POFUT1: variants seen among roughly 807,000 people sequenced by gnomAD.
POFUT1 encodes the protein GDP-fucose protein O-fucosyltransferase 1.
POFUT1 carries 16 observed loss-of-function variants against 42.4 expected under a neutral mutation model. The ratio of observed to expected loss-of-function variants is 0.38; its 90% confidence interval spans 0.26 to 0.57. POFUT1 has a LOEUF of 0.57. POFUT1 is among the 20% of genes least tolerant of loss of function. The probability of loss-of-function intolerance (pLI) is 0.71; values close to 1 mark genes in which losing one functional copy is unlikely to be tolerated. For missense variants in POFUT1, 470 were observed against 504.6 expected, an observed-to-expected ratio of 0.93 and a Z score of 0.66; for synonymous variants, 206 against 205.4, an observed-to-expected ratio of 1.00 and a Z score of -0.03.
intron 4 of POFUT1, chr20:32,217,525 T>C: frequency 1.0e-6 from 1 of 986,506 alleles, no homozygotes; most frequent in Non-Finnish European, 1.2e-6. Context: ...GGTGGGTGGA[T>C]CACTTGAGCC....
intron 2 of POFUT1, among the ~76,000 whole-genome samples, chr20:32,211,377 G>T (rs545568759): frequency 2.0e-5 from 3 of 151,702 alleles, no homozygotes; most frequent in Non-Finnish European, 4.4e-5. Flanking sequence ...GGGTTCAAGC[G>T]ATTCTCCTGC....
At chr20:32,227,913 C>T (rs1569159875) in intron 4 of POFUT1, among the ~76,000 whole-genome samples, 1 of 152,186 alleles carries the variant, frequency 6.6e-6, no homozygotes, top group Non-Finnish European at 1.5e-5. Context: ...AGGGCAAAGG[C>T]TTGGTCCAGA....
At chr20:32,222,959 G>A (rs2047398024) in intron 4 of POFUT1, 2 of 984,354 alleles carry the variant, frequency 2.0e-6, no homozygotes, top group African/African-American at 1.7e-5. Flanking sequence ...GGAGGGAAAG[G>A]CAGTCCTTCA....
At position 32,235,533 on chromosome 20, in the gene POFUT1, A is replaced by G. The variant is rs1350722107; in HGVS notation, c.*872A>G. 6.6e-6 allele frequency: 1 copy of G among 152,284 alleles called. No individual in the cohort carries two copies. The highest frequency in any genetic ancestry group is 2.4e-5 in the African/African-American group (1 of 41,458). 9.4% of individuals were successfully genotyped at this position (152,284 alleles called of 1,614,324 possible). A position where few individuals can be genotyped will look rare whatever the true frequency, so the allele number is the denominator to read the frequency against. On this transcript the variant is annotated 3_prime_UTR_variant, in exon 7 of 7. Transcript: ENST00000375749. ...GTTGATATCCAAAGCCTGTTCTCCC[A>G]GCCGTCCTCCTGCAGCTGGAGCCTT...
At chr20:32,210,282 T>G (rs543938463) in intron 2 of POFUT1, 90 bp downstream of exon 2, 1 of 1,327,950 alleles carries the variant, frequency 7.5e-7, no homozygotes, top group East Asian at 2.3e-5. Context: ...GGGCTTTACC[T>G]CCCACTCCTC....
chr20:32,231,448 A>C, intron 6 of POFUT1: 1 of 274,660 alleles, frequency 3.6e-6, no homozygotes. Flanking sequence ...TGGTGCTTCG[A>C]CCTCTTTGGG....
chr20:32,215,320 C>T lies in POFUT1; in HGVS notation c.298C>T (p.His100Tyr), dbSNP rs2047353631. 1.2e-6 allele frequency: 2 copies of T among 1,614,108 alleles called. No individual in the cohort carries two copies. Among genetic ancestry groups the T allele is most frequent in the Non-Finnish European group, 1.7e-6 (2 of 1,179,976 alleles). ...CAAGCTGGAGCCCCTCCAGGCTTAC[C>T]ATCGGGTCATCAGCTTGGAGGATTT... ...YFKLEPLQAY[H>Y]RVISLEDFME... The change falls in exon 3 of 7, where the codon CAT becomes TAT. Residue 100 changes from histidine (H) to tyrosine (Y), a missense_variant. His to Tyr is a moderately conservative substitution (Grantham distance 83, BLOSUM62 2). Transcript: ENST00000375749.
rs1018324189 is a variant in POFUT1, at chr20:32,237,140, A to G, written c.*2479A>G. The G allele has an allele frequency of 6.6e-6, 1 of 152,286 alleles. No homozygotes were observed. The highest frequency in any genetic ancestry group is 2.4e-5 in the African/African-American group (1 of 41,460). 9.4% of individuals were successfully genotyped at this position (152,286 alleles called of 1,614,324 possible). A position where few individuals can be genotyped will look rare whatever the true frequency, so the allele number is the denominator to read the frequency against. Reference sequence around the variant, plus strand: ...AGGTTACCCAAGAAACAAAGCCTACATGCCGCTTACAGCCCCCGTTGGATG... The same window carrying G: ...AGGTTACCCAAGAAACAAAGCCTACGTGCCGCTTACAGCCCCCGTTGGATG... On this transcript the variant is annotated 3_prime_UTR_variant, in exon 7 of 7. Coordinates refer to ENST00000375749, the MANE Select transcript of POFUT1 (RefSeq NM_015352.2).
chr20:32,213,510 C>T (rs551724097), intron 2 of POFUT1, among the ~76,000 whole-genome samples: 3 of 150,680 alleles, frequency 2.0e-5, no homozygotes, highest in South Asian at 2.1e-4. Context: ...CAGTGGCTCA[C>T]GCCTGTAATC....
intron 4 of POFUT1, among the ~76,000 whole-genome samples, chr20:32,218,409 G>A (rs1364790245): frequency 6.6e-6 from 1 of 152,192 alleles, no homozygotes; most frequent in Admixed American, 6.6e-5. Context: ...AAAGTGCTGG[G>A]ATTACAAGCA....
At chr20:32,222,087 C>T (rs889785271) in intron 4 of POFUT1, among the ~76,000 whole-genome samples, 6 of 152,020 alleles carry the variant, frequency 3.9e-5, no homozygotes, top group African/African-American at 1.5e-4. Context: ...CACTTGAGGT[C>T]AGGAGTTCAA....
chr20:32,228,359 A>G lies in POFUT1; in HGVS notation c.639A>G (p.Val213=), dbSNP rs1291399965. Residue 213 remains valine (V), a synonymous_variant, in exon 5 of 7, where the codon GTA becomes GTG. Transcript: ENST00000375749. ...ACAGGCCACTACAGAAGTACATGGT[A>G]TGGTCAGACGAAATGGTGAAGACGG... ...EEHRPLQKYM[V]WSDEMVKTGE... is the part of the protein sequence containing the mutation. 12 of 1,614,060 alleles carry G rather than the reference A, an allele frequency of 7.4e-6. No homozygotes were observed. Among genetic ancestry groups the G allele is most frequent in the Middle Eastern group, 1.6e-4 (1 of 6,084 alleles).
At chr20:32,225,273 T>A (rs1356551684) in intron 4 of POFUT1, among the ~76,000 whole-genome samples, 3 of 152,056 alleles carry the variant, frequency 2.0e-5, no homozygotes, top group African/African-American at 7.3e-5. Flanking sequence ...CACTGCAAGC[T>A]CTGTCTCACA....
At chr20:32,213,542 G>C (rs1000895059) in intron 2 of POFUT1, among the ~76,000 whole-genome samples, 2 of 151,932 alleles carry the variant, frequency 1.3e-5, no homozygotes, top group African/African-American at 4.8e-5. Context: ...GGAGACCGAG[G>C]TGGACAGATC....
At chr20:32,209,951 C>T (rs753203622) in intron 1 of POFUT1, 120 bp from the exon 2 acceptor site, 119 of 1,054,810 alleles carry the variant, frequency 1.1e-4, no homozygotes, top group Non-Finnish European at 1.6e-4. Context: ...CTGCCAGCTC[C>T]CCTAGTTCTC....
At chr20:32,232,838 C>G (rs1403583608) in intron 6 of POFUT1, among the ~76,000 whole-genome samples, 1 of 152,158 alleles carries the variant, frequency 6.6e-6, no homozygotes, top group African/African-American at 2.4e-5. Flanking sequence ...CCCTCAACTC[C>G]CTTCTCCATG....
rs915044317 is a variant in POFUT1 at position 32,211,824 on chromosome 20, G to A, written c.246+1632G>A. ...TGACCTCCCACTGGCACTTGACCCT[G>A]CAAGCTTCTCCTTCCTGAACTTCCC... On this transcript the variant is annotated intron_variant, in intron 2 of 6. Transcript: ENST00000375749. Among the ~76,000 whole-genome samples the A allele has an allele frequency of 4.6e-5, 7 of 152,154 alleles. No individual in the cohort carries two copies. In the South Asian group the frequency reaches 8.3e-4, roughly 18 times the overall value.
chr20:32,214,922 C>T (rs988723457), intron 2 of POFUT1, among the ~76,000 whole-genome samples: 1 of 152,120 alleles, frequency 6.6e-6, no homozygotes. Flanking sequence ...CTTGCTCTGT[C>T]GTCCAAGCTG....
chr20:32,227,075 T>G (rs1195422992), intron 4 of POFUT1, among the ~76,000 whole-genome samples: 1 of 152,170 alleles, frequency 6.6e-6, no homozygotes, highest in Non-Finnish European at 1.5e-5. Flanking sequence ...CAGAAGGCAC[T>G]TCCCCCCTCC....
Sources: gnomAD v4.1 joint callset for allele counts (sites outside exome capture counted in the v4.1 genomes callset) on GRCh38, gnomAD v4.1.1 for gene constraint, MANE v1.5 for transcripts, NCBI Gene and HGNC (gene_info 2026-07-23, HGNC 2026-07-21) for gene names.